The following CTNNA3 variants were observed in gnomAD, a reference collection of about 807,000 sequenced individuals.
CTNNA3 encodes the protein catenin alpha-3.
CTNNA3 carries 76 observed loss-of-function variants against 95.7 expected under a neutral mutation model. The ratio of observed to expected loss-of-function variants is 0.79; its 90% CI spans 0.66 to 0.96. The LOEUF (loss-of-function observed/expected upper bound fraction) is 0.96. Ranked by LOEUF, CTNNA3 falls within the 40% of genes least tolerant of loss-of-function variation. The pLI, the probability that CTNNA3 is intolerant of heterozygous loss-of-function variation, is 0.00. For missense variants in CTNNA3, 1,191 were observed against 1,089.8 expected (o/e 1.09, Z -1.31); for synonymous variants, 431 against 374.4 (o/e 1.15, Z -1.74).
intron 5 of CTNNA3, among the ~76,000 whole-genome samples, chr10:67,302,081 A>G (rs1840343455): frequency 7.9e-6 from 1 of 126,678 alleles, no homozygotes; most frequent in Non-Finnish European, 1.8e-5. Context: ...GAAAGAAAGA[A>G]AGAAAGAAAG....
At chr10:67,006,034 A>G (rs895508650) in intron 7 of CTNNA3, among the ~76,000 whole-genome samples, 1 of 151,764 alleles carries the variant, frequency 6.6e-6, no homozygotes, top group Non-Finnish European at 1.5e-5. Flanking sequence ...TCAGCATCTT[A>G]TCTCATTATT....
At chr10:67,665,443 T>G (rs1840309468) in intron 1 of CTNNA3, 1 of 152,136 alleles carries the variant, frequency 6.6e-6, no homozygotes, top group Admixed American at 6.6e-5. Context: ...TCCTTTCATT[T>G]CCCCCAAAGT....
chr10:66,918,995 C>T (rs761839758), intron 7 of CTNNA3, among the ~76,000 whole-genome samples: 6 of 151,742 alleles, frequency 4.0e-5, no homozygotes, highest in Non-Finnish European at 7.4e-5. Context: ...ATTAGCCGGG[C>T]GTGGTGGCAG....
chr10:66,298,696 A>G (rs7920917), intron 12 of CTNNA3, among the ~76,000 whole-genome samples: 19,998 of 152,122 alleles, frequency 0.13, 1,470 homozygotes, highest in East Asian at 0.28. Context: ...CATAGTATCT[A>G]TAGACAGAGA....
intron 7 of CTNNA3, among the ~76,000 whole-genome samples, chr10:67,122,201 A>C (rs936342793): frequency 6.6e-6 from 1 of 152,072 alleles, no homozygotes; most frequent in Non-Finnish European, 1.5e-5. Context: ...ACCTAAATGC[A>C]GTAAGCCACT....
intron 2 of CTNNA3, among the ~76,000 whole-genome samples, chr10:67,621,704 G>A (rs1019750442): frequency 2.0e-5 from 3 of 149,582 alleles, no homozygotes; most frequent in South Asian, 2.1e-4. Flanking sequence ...AGCCAAGATC[G>A]AGCCACTGCA....
In CTNNA3 at chr10:67,474,860, T is replaced by G. The variant is rs920081274; in HGVS notation, c.579+46982A>C. On this transcript the variant is annotated intron_variant, in intron 5 of 17. Transcript: ENST00000433211. ...AAAGGTACAGCCACTCTGAAAAACA[T>G]TCTGGCAATTTCTTATAAAGTTAAT... is the stretch of plus-strand genomic sequence containing the variant. Among the ~76,000 whole-genome samples the G allele has an allele frequency of 2.0e-5, 3 of 152,170 alleles. No homozygotes were observed. In the South Asian group the frequency reaches 6.2e-4, roughly 32 times the overall value.
At chr10:66,666,346 G>T (rs2132457517) in intron 9 of CTNNA3, among the ~76,000 whole-genome samples, 1 of 152,146 alleles carries the variant, frequency 6.6e-6, no homozygotes, top group East Asian at 1.9e-4. Context: ...TTCTACCATG[G>T]TCCCCACCAC....
chr10:67,377,316 G>A (rs1389845026), intron 5 of CTNNA3, among the ~76,000 whole-genome samples: 2 of 152,176 alleles, frequency 1.3e-5, no homozygotes, highest in East Asian at 1.9e-4. Context: ...GTATATTAAG[G>A]AAAGAATGAG....
At chr10:67,501,726 C>T (rs189966359) in intron 5 of CTNNA3, among the ~76,000 whole-genome samples, 6 of 152,262 alleles carry the variant, frequency 3.9e-5, no homozygotes, top group Admixed American at 3.3e-4. Flanking sequence ...TCTTCAATCT[C>T]TGATATCTTT....
chr10:66,434,080 G>A lies in CTNNA3; in HGVS notation c.1532-54728C>T, dbSNP rs146802709. On this transcript the variant is annotated intron_variant, in intron 11 of 17. Transcript: ENST00000433211. ...GTAGTTTGAAGACAGGTAGCATTATGCCTCCAGCTTTGTTCTTTTTGCTTA... is the reference window on the plus strand; with the variant it reads ...GTAGTTTGAAGACAGGTAGCATTATACCTCCAGCTTTGTTCTTTTTGCTTA... 6.8e-3 allele frequency among the ~76,000 whole-genome samples: 1,041 copies of A among 152,264 alleles called. 10 individuals carry two copies. The highest frequency in any genetic ancestry group is 0.024 in the African/African-American group (991 of 41,544).
intron 11 of CTNNA3, among the ~76,000 whole-genome samples, chr10:66,439,661 T>A (rs1027155160): frequency 6.6e-6 from 1 of 152,166 alleles, no homozygotes; most frequent in African/African-American, 2.4e-5. Context: ...AATATCCGGC[T>A]AATAAATCAA....
chr10:66,480,784 T>C (rs1454917703), intron 11 of CTNNA3, among the ~76,000 whole-genome samples: 1 of 152,044 alleles, frequency 6.6e-6, no homozygotes, highest in Non-Finnish European at 1.5e-5. Context: ...TTTTGTATTT[T>C]TTAGTAGAGA....
At chr10:66,248,537 G>T (rs770141307) in intron 13 of CTNNA3, among the ~76,000 whole-genome samples, 1 of 151,294 alleles carries the variant, frequency 6.6e-6, no homozygotes, top group African/African-American at 2.4e-5. Flanking sequence ...ACAGAAATAA[G>T]AAATAAAAAA....
At chr10:66,751,648 G>T (rs1280177467) in intron 9 of CTNNA3, among the ~76,000 whole-genome samples, 1 of 152,112 alleles carries the variant, frequency 6.6e-6, no homozygotes. Context: ...TTCACTCTAT[G>T]CTCTTTCCTA....
chr10:66,025,029 T>C (rs920788849), intron 15 of CTNNA3, among the ~76,000 whole-genome samples: 2 of 152,238 alleles, frequency 1.3e-5, no homozygotes, highest in South Asian at 4.1e-4. Context: ...CAGCTTTGCA[T>C]CTATTTGAAT....
chr10:67,627,365 G>C (rs1156276367), intron 2 of CTNNA3, among the ~76,000 whole-genome samples: 2 of 152,156 alleles, frequency 1.3e-5, no homozygotes, highest in African/African-American at 4.8e-5. Flanking sequence ...AGGACAACTA[G>C]AGTAGGGACA....
At chr10:67,541,269 A>G (rs1840677173) in intron 3 of CTNNA3, among the ~76,000 whole-genome samples, 1 of 151,980 alleles carries the variant, frequency 6.6e-6, no homozygotes, top group South Asian at 2.1e-4. Flanking sequence ...TCAAAAATAT[A>G]CAAAAGGGTC....
chr10:66,825,723 C>A (rs1434762169), intron 7 of CTNNA3, among the ~76,000 whole-genome samples: 2 of 152,014 alleles, frequency 1.3e-5, no homozygotes, highest in African/African-American at 2.4e-5. Context: ...TTCTACAGGT[C>A]ATCAGAACAC....
Sources: allele counts gnomAD v4.1 joint callset (sites outside exome capture counted in the v4.1 genomes callset), GRCh38; gene constraint gnomAD v4.1.1; transcripts MANE v1.5; gene names NCBI Gene and HGNC (gene_info 2026-07-23, HGNC 2026-07-21).